The following OSBPL9 variants were observed in gnomAD, a reference collection of about 807,000 sequenced individuals.
OSBPL9 encodes oxysterol-binding protein-related protein 9.
A neutral mutation model predicts 106.6 loss-of-function variants in OSBPL9; 40 were observed. The ratio of observed to expected loss-of-function variants is 0.38; its 90% confidence interval spans 0.29 to 0.49. The LOEUF (loss-of-function observed/expected upper bound fraction) is 0.49. Ranked by LOEUF, OSBPL9 falls within the 20% of genes least tolerant of loss-of-function variation. OSBPL9 has a pLI of 0.97. For synonymous variants in OSBPL9, 269 were observed against 295.4 expected (o/e 0.91, Z 0.92); for missense variants, 609 against 887.2 (o/e 0.69, Z 3.98).
At chr1:51,571,964 C>T in the OSBPL9 span, among the ~76,000 whole-genome samples, 3 of 152,162 alleles carry the variant, frequency 2.0e-5, no homozygotes, top group African/African-American at 7.2e-5. Context: ...AGAAACCACA[C>T]TGAGAGGAGA....
At chr1:51,530,210 TAAG>T in the OSBPL9 span, among the ~76,000 whole-genome samples, 1 of 95,206 alleles carries the variant, frequency 1.1e-5, no homozygotes, top group Non-Finnish European at 2.3e-5. Context: ...AAAAAACCTC[TAAG>T]AAGAAAACAT....
intron 1 of OSBPL9, among the ~76,000 whole-genome samples, chr1:51,590,032 CAA>C (rs941103745): frequency 2.8e-4 from 14 of 50,278 alleles, no homozygotes; most frequent in Admixed American, 2.2e-4. Flanking sequence ...GACTCCGTCT[CAA>C]AAAAAAAAAA....
chr1:51,720,792 ATTTT>A (rs34137715), intron 4 of OSBPL9, among the ~76,000 whole-genome samples: 3 of 101,132 alleles, frequency 3.0e-5, no homozygotes, highest in African/African-American at 1.2e-4. Context: ...TCAAATTGGA[ATTTT>A]TTTTTTTTTT....
chr1:51,694,887 T>C (rs1227172051), intron 3 of OSBPL9, among the ~76,000 whole-genome samples: 3 of 152,236 alleles, frequency 2.0e-5, no homozygotes, highest in Admixed American at 2.0e-4. Flanking sequence ...CAATAAATGT[T>C]GTCAATTTTT....
rs557533282 is a variant in OSBPL9, at chr1:51,738,740, G to A, written c.319-6796G>A. On this transcript the variant is annotated intron_variant, in intron 4 of 23. Transcript: ENST00000428468. Reference sequence around the variant, plus strand: ...AAATACAATTTAACTTATGCTTATAGCCTTTACTTGATTGTAGATCTATAT... The same window carrying A: ...AAATACAATTTAACTTATGCTTATAACCTTTACTTGATTGTAGATCTATAT... 5.3e-5 allele frequency among the ~76,000 whole-genome samples: 8 copies of A among 151,980 alleles called. No homozygotes were observed. The East Asian group carries it at 1.4e-3, about 26-fold the overall frequency.
chr1:51,551,818 C>T, the OSBPL9 span, among the ~76,000 whole-genome samples: 1 of 151,906 alleles, frequency 6.6e-6, no homozygotes, highest in Non-Finnish European at 1.5e-5. Flanking sequence ...GTCTTGAACT[C>T]CTAAGCTCAG....
chr1:51,581,911 T>C (rs1222456649), intron 1 of OSBPL9, among the ~76,000 whole-genome samples: 1 of 152,180 alleles, frequency 6.6e-6, no homozygotes, highest in African/African-American at 2.4e-5. Flanking sequence ...AACACTTCCT[T>C]ACTTTCTAGA....
chr1:51,756,437 T>G, intron 9 of OSBPL9, 79 bp downstream of exon 9: 5 of 1,382,950 alleles, frequency 3.6e-6, no homozygotes, highest in Non-Finnish European at 5.1e-6. Context: ...AAGCCTGAAT[T>G]ACTACTCATT....
At chr1:51,557,047 T>A in the OSBPL9 span, among the ~76,000 whole-genome samples, 1 of 152,024 alleles carries the variant, frequency 6.6e-6, no homozygotes, top group Admixed American at 6.6e-5. Flanking sequence ...ACAAGTTGCA[T>A]GCCTGTATCA....
At chr1:51,784,143 G>A in intron 18 of OSBPL9, 118 bp downstream of exon 18, 1 of 1,383,746 alleles carries the variant, frequency 7.2e-7, no homozygotes, top group South Asian at 1.2e-5. Context: ...GCAAAGGGTG[G>A]GGAACTAGAT....
chr1:51,650,645 A>T (rs973038188), intron 1 of OSBPL9, among the ~76,000 whole-genome samples: 2 of 152,156 alleles, frequency 1.3e-5, no homozygotes, highest in African/African-American at 4.8e-5. Context: ...AAGACTTTGG[A>T]TGTAGGGCAT....
chr1:51,606,892 C>CA (rs917533186), intron 2 of OSBPL9, among the ~76,000 whole-genome samples: 1 of 151,202 alleles, frequency 6.6e-6, no homozygotes, highest in African/African-American at 2.4e-5. Context: ...CCTAAAAATA[C>CA]AAAAAAAATT....
intron 1 of OSBPL9, among the ~76,000 whole-genome samples, chr1:51,647,113 G>A (rs1646205511): frequency 6.6e-6 from 1 of 152,106 alleles, no homozygotes; most frequent in South Asian, 2.1e-4. Flanking sequence ...CTAGTTTGTT[G>A]AGTGGTTTTT....
chr1:51,533,138 T>A, the OSBPL9 span, among the ~76,000 whole-genome samples: 9 of 152,100 alleles, frequency 5.9e-5, no homozygotes, highest in African/African-American at 2.2e-4. Flanking sequence ...GCCCTCTAAG[T>A]GCTCACTCTG....
chr1:51,706,677 A>G (rs543661006), intron 3 of OSBPL9, among the ~76,000 whole-genome samples: 3 of 149,342 alleles, frequency 2.0e-5, no homozygotes, highest in Non-Finnish European at 4.4e-5. Context: ...TGCATTTAAT[A>G]TATATATGAA....
At chr1:51,612,827 A>G (rs1335263623), upstream of OSBPL9, among the ~76,000 whole-genome samples, 7 of 152,260 alleles carry the variant, frequency 4.6e-5, no homozygotes, top group Non-Finnish European at 1.0e-4. Flanking sequence ...ATTTATACAT[A>G]AACAATGAAG....
chr1:51,577,162 C>T (rs1645189542), upstream of OSBPL9: 1 of 152,142 alleles, frequency 6.6e-6, no homozygotes, highest in South Asian at 2.1e-4. Context: ...GTACCTGCTC[C>T]CTCTTCACTT....
intron 4 of OSBPL9, chr1:51,740,233 A>G: frequency 8.5e-6 from 13 of 1,528,386 alleles, no homozygotes; most frequent in Non-Finnish European, 1.1e-5. Flanking sequence ...AATTGTAAGT[A>G]TGCTCTATAC....
chr1:51,754,146 G>A (rs1006653469), intron 8 of OSBPL9, among the ~76,000 whole-genome samples: 6 of 152,164 alleles, frequency 3.9e-5, no homozygotes, highest in Non-Finnish European at 5.9e-5. Context: ...CCCTGCAGGT[G>A]GAGACTTAAC....
Sources: allele counts gnomAD v4.1 joint callset (sites outside exome capture counted in the v4.1 genomes callset), GRCh38; gene constraint gnomAD v4.1.1; transcripts MANE v1.5; gene names NCBI Gene and HGNC (gene_info 2026-07-23, HGNC 2026-07-21).